Variants in CHKA observed in about 807,000 individuals in gnomAD.
CHKA encodes the protein choline kinase alpha, also known as CHETK-alpha.
A neutral mutation model predicts 60.1 loss-of-function variants in CHKA; 34 were observed. The ratio of observed to expected loss-of-function variants is 0.57; its 90% CI spans 0.43 to 0.75. The LOEUF is 0.75. Among genes scored for constraint, CHKA ranks in the 30% least tolerant of loss-of-function variants. The pLI is 0.00. For synonymous variants in CHKA, 217 were observed against 223.1 expected (o/e 0.97, Z 0.24); for missense variants, 563 against 561.3 (o/e 1.00, Z -0.03).
intron 10 of CHKA, among the ~76,000 whole-genome samples, chr11:68,063,706 A>G (rs568628103): frequency 1.1e-3 from 165 of 152,214 alleles, no homozygotes; most frequent in African/African-American, 3.8e-3. Flanking sequence ...GCAGGAGGTG[A>G]TTAGATCATG....
rs931684675 is a variant in CHKA, at chr11:68,057,119, T to G, written c.1315-3072A>C. Among the ~76,000 whole-genome samples the G allele has an allele frequency of 2.6e-5, 4 of 152,288 alleles. No individual in the cohort carries two copies. In the South Asian group the frequency reaches 8.3e-4, roughly 32 times the overall value. On this transcript the variant is annotated intron_variant, in intron 11 of 11. Transcript: ENST00000265689. Reference sequence around the variant, plus strand: ...ATCTGGTGTCCACTCCAGAACTGATTACTTGTTTGTTGGCGGGGAGAACCA... The same window carrying G: ...ATCTGGTGTCCACTCCAGAACTGATGACTTGTTTGTTGGCGGGGAGAACCA...
At chr11:68,084,088 T>C (rs552976498) in intron 2 of CHKA, among the ~76,000 whole-genome samples, 1 of 150,784 alleles carries the variant, frequency 6.6e-6, no homozygotes, top group East Asian at 2.0e-4. Context: ...CTACTAAAAA[T>C]ACAAAAAAAT....
chr11:68,079,957 G>A (rs1227524312), intron 3 of CHKA, among the ~76,000 whole-genome samples: 1 of 152,196 alleles, frequency 6.6e-6, no homozygotes, highest in African/African-American at 2.4e-5. Flanking sequence ...TGTACTTTGT[G>A]TCTCTGTGTC....
intron 7 of CHKA, among the ~76,000 whole-genome samples, chr11:68,067,041 A>G (rs567670768): frequency 1.3e-5 from 2 of 152,252 alleles, no homozygotes; most frequent in East Asian, 3.9e-4. Flanking sequence ...CAAGGAGACC[A>G]CAGGCAGCAT....
At chr11:68,119,832 C>T (rs1361502771) in intron 1 of CHKA, among the ~76,000 whole-genome samples, 2 of 152,082 alleles carry the variant, frequency 1.3e-5, no homozygotes, top group Admixed American at 6.5e-5. Context: ...GTTATGTCTT[C>T]GGAGCAGAGT....
chr11:68,097,265 A>G (rs1166779856), intron 1 of CHKA, 135 bp from the exon 2 acceptor site: 1 of 555,626 alleles, frequency 1.8e-6, no homozygotes, highest in Non-Finnish European at 3.1e-6. Flanking sequence ...TCTCAATTTA[A>G]CTCCATGAGT....
intron 2 of CHKA, among the ~76,000 whole-genome samples, chr11:68,089,498 G>A (rs913263689): frequency 2.0e-5 from 3 of 152,064 alleles, no homozygotes; most frequent in Admixed American, 6.6e-5. Flanking sequence ...GTGATATGAA[G>A]GAAGAACTTG....
At chr11:68,062,351 G>A (rs376256370) in intron 10 of CHKA, among the ~76,000 whole-genome samples, 8 of 152,220 alleles carry the variant, frequency 5.3e-5, no homozygotes, top group African/African-American at 1.9e-4. Flanking sequence ...CAGGGTGCAG[G>A]TGAAGGCCTG....
chr11:68,066,323 C>T, intron 8 of CHKA, 106 bp downstream of exon 8: 2 of 929,352 alleles, frequency 2.2e-6, no homozygotes, highest in Admixed American at 4.0e-5. Flanking sequence ...AAGCAGCTTG[C>T]AACTCAGAGC....
intron 2 of CHKA, among the ~76,000 whole-genome samples, chr11:68,084,417 T>C (rs1050324072): frequency 2.6e-5 from 2 of 75,952 alleles, no homozygotes; most frequent in African/African-American, 4.7e-5. Flanking sequence ...TATGTGTATA[T>C]ATATATACAC....
chr11:68,096,741 G>C (rs966323349), intron 2 of CHKA, among the ~76,000 whole-genome samples: 2 of 152,056 alleles, frequency 1.3e-5, no homozygotes, highest in African/African-American at 4.8e-5. Context: ...GAATCATCAA[G>C]CACTATTGAA....
rs1855894933 is a variant in CHKA, at chr11:68,053,900, A to G, written c.*88T>C. 4.6e-6 allele frequency: 5 copies of G among 1,076,676 alleles called. No individual in the cohort carries two copies. The highest frequency in any genetic ancestry group is 7.1e-6 in the Non-Finnish European group (5 of 707,798). The allele number at this position is 1,076,676 out of a possible 1,614,324, so 66.7% of individuals were successfully genotyped here. A position where few individuals can be genotyped will look rare whatever the true frequency, so the allele number is the denominator to read the frequency against. ...TGAGCCACCCAAAGCCTCCTGCCAC[A>G]GGAGCAGTAGTCGAAGCACAGAGGG... On this transcript the variant is annotated 3_prime_UTR_variant, in exon 12 of 12. Coordinates refer to ENST00000265689, the MANE Select transcript of CHKA (RefSeq NM_001277.3).
chr11:68,112,136 C>T (rs1172799431), intron 1 of CHKA, among the ~76,000 whole-genome samples: 1 of 150,864 alleles, frequency 6.6e-6, no homozygotes, highest in East Asian at 1.9e-4. Context: ...CGTTACACTT[C>T]CCAAAAATTA....
intron 1 of CHKA, 72 bp downstream of exon 1, chr11:68,120,754 CTG>C (rs1858604531): frequency 3.6e-6 from 2 of 551,804 alleles, no homozygotes; most frequent in Non-Finnish European, 4.8e-6. Flanking sequence ...CCCACGCCCC[CTG>C]CCCGGACCCC....
intron 1 of CHKA, among the ~76,000 whole-genome samples, chr11:68,107,218 C>A (rs1353879182): frequency 6.6e-6 from 1 of 151,904 alleles, no homozygotes; most frequent in Non-Finnish European, 1.5e-5. Flanking sequence ...AGCCACTGCA[C>A]TCCAACCTGG....
intron 2 of CHKA, among the ~76,000 whole-genome samples, chr11:68,088,252 G>T (rs184394402): frequency 6.6e-6 from 1 of 151,624 alleles, no homozygotes; most frequent in Admixed American, 6.6e-5. Context: ...GCTGAGTACT[G>T]AAACAACTCC....
intron 11 of CHKA, among the ~76,000 whole-genome samples, chr11:68,055,659 C>T (rs867243931): frequency 6.6e-5 from 10 of 152,204 alleles, no homozygotes; most frequent in Non-Finnish European, 1.5e-4. Context: ...CTTTGATTCA[C>T]ATTTCTTTAA....
intron 11 of CHKA, among the ~76,000 whole-genome samples, chr11:68,059,445 A>G (rs1017755225): frequency 2.0e-5 from 3 of 151,996 alleles, no homozygotes; most frequent in East Asian, 1.9e-4. Flanking sequence ...ATCCTTTTAC[A>G]TATGTTAGTG....
At chr11:68,073,649 G>A (rs2134555221) in intron 4 of CHKA, among the ~76,000 whole-genome samples, 1 of 152,262 alleles carries the variant, frequency 6.6e-6, no homozygotes, top group East Asian at 1.9e-4. Context: ...ACCTCTTCTG[G>A]GGAGACAGAG....
Sources: gnomAD v4.1 joint callset for allele counts (sites outside exome capture counted in the v4.1 genomes callset) on GRCh38, gnomAD v4.1.1 for gene constraint, MANE v1.5 for transcripts, NCBI Gene and HGNC (gene_info 2026-07-23, HGNC 2026-07-21) for gene names.